The following CCDC138 variants were observed in gnomAD, a reference collection of about 807,000 sequenced individuals.
The protein encoded by CCDC138 is coiled-coil domain containing 138.
Under a neutral mutation model 82.3 loss-of-function variants are expected in CCDC138, and 66 were observed. The ratio of observed to expected loss-of-function variants is 0.80; its 90% CI spans 0.66 to 0.98. The LOEUF (loss-of-function observed/expected upper bound fraction) is 0.98, where lower values mean the gene tolerates loss of function less well. CCDC138 is among the 50% of genes least tolerant of loss of function. The probability of loss-of-function intolerance (pLI) is 0.00; values close to 1 mark genes in which losing one functional copy is unlikely to be tolerated. For synonymous variants in CCDC138, 297 were observed against 265.4 expected, an observed-to-expected ratio of 1.12 and a Z score of -1.16; for missense variants, 816 against 758.9, an observed-to-expected ratio of 1.08 and a Z score of -0.88.
At chr2:108,848,656 G>A (rs953437407) in intron 12 of CCDC138, among the ~76,000 whole-genome samples, 3 of 152,182 alleles carry the variant, frequency 2.0e-5, no homozygotes, top group South Asian at 2.1e-4. Context: ...GGAAATTTAT[G>A]TGGAAAAATT....
Position 108,786,912 on chromosome 2 carries a change from C to T in CCDC138, c.90C>T (p.Asp30=). The T allele has an allele frequency of 6.5e-7, 1 of 1,528,564 alleles. No homozygotes were observed. Among genetic ancestry groups the T allele is most frequent in the Non-Finnish European group, 8.8e-7 (1 of 1,139,532 alleles). The allele number at this position is 1,528,564 out of a possible 1,614,324, so 94.7% of individuals were successfully genotyped here. ...ACGGACTCGGGGGCAGCTGCCCCGACGAGGTGAAGCCGCCGCCTGAGGTCC... is the reference window on the plus strand; with the variant it reads ...ACGGACTCGGGGGCAGCTGCCCCGATGAGGTGAAGCCGCCGCCTGAGGTCC... ...SRYGLGGSCP[D]EYDFSNFYQS... The change falls in exon 1 of 15, where the codon GAC becomes GAT. Residue 30 remains aspartate (D), a synonymous_variant. Transcript: ENST00000295124.
intron 10 of CCDC138, among the ~76,000 whole-genome samples, chr2:108,833,748 G>A (rs1232573375): frequency 8.0e-6 from 1 of 124,246 alleles, no homozygotes; most frequent in Non-Finnish European, 1.6e-5. Context: ...TTTTTTTTGA[G>A]ACGGAGTCTT....
intron 13 of CCDC138, among the ~76,000 whole-genome samples, chr2:108,868,489 C>G (rs749941300): frequency 6.6e-6 from 1 of 152,144 alleles, no homozygotes; most frequent in Non-Finnish European, 1.5e-5. Context: ...TGGGTTGGCT[C>G]CCCCATCATC....
chr2:108,839,291 C>T lies in CCDC138; in HGVS notation c.1313C>T (p.Ala438Val), dbSNP rs765820897. Residue 438 changes from alanine (A) to valine (V), a missense_variant, in exon 11 of 15, where the codon GCT becomes GTT. By Grantham distance (64) the Ala-to-Val change is moderately conservative. Transcript: ENST00000295124. ...TATTGGTCCCTAAGGCAGCTAGATGCTGGAGCACAGGTAATTGGTTAATAG... is the reference window on the plus strand; with the variant it reads ...TATTGGTCCCTAAGGCAGCTAGATGTTGGAGCACAGGTAATTGGTTAATAG... The part of the protein sequence containing the change: ...FIYWSLRQLD[A>V]GAQHSTMTST... 2 of 1,610,398 alleles carry T rather than the reference C, an allele frequency of 1.2e-6. No individual in the cohort carries two copies. The highest frequency in any genetic ancestry group is 1.1e-5 in the South Asian group (1 of 90,438).
intron 10 of CCDC138, among the ~76,000 whole-genome samples, chr2:108,834,016 G>T (rs1408604038): frequency 6.6e-6 from 1 of 150,628 alleles, no homozygotes; most frequent in Non-Finnish European, 1.5e-5. Context: ...AAAGTGCTGG[G>T]ATTACAGGCG....
At chr2:108,826,367 C>G (rs1027966503) in intron 10 of CCDC138, among the ~76,000 whole-genome samples, 1 of 152,094 alleles carries the variant, frequency 6.6e-6, no homozygotes, top group Non-Finnish European at 1.5e-5. Context: ...TGTTTTCTTT[C>G]AAGAGTTTAA....
chr2:108,856,357 C>T (rs1178248183), intron 12 of CCDC138, among the ~76,000 whole-genome samples: 1 of 152,080 alleles, frequency 6.6e-6, no homozygotes, highest in Non-Finnish European at 1.5e-5. Context: ...CCATTTAGCA[C>T]GTTTGTATAA....
At chr2:108,804,451 G>A (rs968713418) in intron 6 of CCDC138, among the ~76,000 whole-genome samples, 40 of 152,048 alleles carry the variant, frequency 2.6e-4, no homozygotes, top group Non-Finnish European at 7.4e-5. Flanking sequence ...AAATTAGTTG[G>A]TTTTATGAAA....
intron 6 of CCDC138, among the ~76,000 whole-genome samples, chr2:108,802,891 G>C (rs1047771817): frequency 6.6e-6 from 1 of 152,172 alleles, no homozygotes; most frequent in Non-Finnish European, 1.5e-5. Context: ...AGATAATCAC[G>C]TGGTTTTTGT....
chr2:108,874,441 A>G, intron 14 of CCDC138, among the ~76,000 whole-genome samples: 1 of 152,134 alleles, frequency 6.6e-6, no homozygotes, highest in East Asian at 1.9e-4. Flanking sequence ...GATTCTTGGT[A>G]TGCTGTAGTG....
At chr2:108,838,282 A>C (rs1465535389) in intron 10 of CCDC138, among the ~76,000 whole-genome samples, 1 of 152,192 alleles carries the variant, frequency 6.6e-6, no homozygotes, top group Non-Finnish European at 1.5e-5. Context: ...CCCAACTGGA[A>C]AGGTTTTTTA....
At chr2:108,883,837 A>G (rs1157405834) in intron 2 of CCDC138, 2 of 152,264 alleles carry the variant, frequency 1.3e-5, no homozygotes, top group Non-Finnish European at 2.9e-5. Context: ...CCCTTTATAA[A>G]TTACGCACCT....
intron 13 of CCDC138, among the ~76,000 whole-genome samples, chr2:108,869,186 CTT>C (rs1239944623): frequency 6.6e-6 from 1 of 152,102 alleles, no homozygotes; most frequent in African/African-American, 2.4e-5. Flanking sequence ...ACTAAAATAA[CTT>C]TGTAGGAACT....
chr2:108,847,059 CA>C, intron 12 of CCDC138, 129 bp downstream of exon 12: 2 of 624,862 alleles, frequency 3.2e-6, no homozygotes, highest in Non-Finnish European at 5.5e-6. Context: ...ATAATGGTTA[CA>C]CATTATAAAA....
At chr2:108,787,856 A>G (rs985521021) in intron 1 of CCDC138, 176 bp from the exon 2 acceptor site, 4 of 189,510 alleles carry the variant, frequency 2.1e-5, no homozygotes, top group Non-Finnish European at 3.9e-5. Context: ...GGGGAGGAAC[A>G]TGACGTTGGT....
At chr2:108,826,981 A>G (rs1686722689) in intron 10 of CCDC138, among the ~76,000 whole-genome samples, 1 of 152,106 alleles carries the variant, frequency 6.6e-6, no homozygotes, top group Admixed American at 6.5e-5. Context: ...GTTTCACAGT[A>G]TTTTTATTCT....
At chr2:108,790,203 T>C (rs974179842) in intron 3 of CCDC138, among the ~76,000 whole-genome samples, 3 of 152,196 alleles carry the variant, frequency 2.0e-5, no homozygotes, top group African/African-American at 7.2e-5. Context: ...GATCTAGATT[T>C]AGGATTTAGA....
intron 12 of CCDC138, among the ~76,000 whole-genome samples, chr2:108,851,069 C>A (rs1691396697): frequency 6.6e-6 from 1 of 152,142 alleles, no homozygotes; most frequent in Non-Finnish European, 1.5e-5. Context: ...ACAACCCCCT[C>A]TTTGGGTTTA....
chr2:108,793,173 C>T (rs1680210342), intron 4 of CCDC138, among the ~76,000 whole-genome samples: 1 of 150,484 alleles, frequency 6.6e-6, no homozygotes, highest in East Asian at 2.0e-4. Flanking sequence ...CTGGCTAACA[C>T]GGTGAAACCC....
Sources: gnomAD v4.1 joint callset for allele counts (sites outside exome capture counted in the v4.1 genomes callset) on GRCh38, gnomAD v4.1.1 for gene constraint, MANE v1.5 for transcripts, NCBI Gene and HGNC (gene_info 2026-07-23, HGNC 2026-07-21) for gene names.